Variants in POLR3E observed in about 807,000 individuals in gnomAD.
POLR3E encodes the protein RNA polymerase III subunit E, also known as DNA-directed RNA polymerase III subunit RPC5.
Under a neutral mutation model 96.6 loss-of-function variants are expected in POLR3E, and 41 were observed. The ratio of observed to expected loss-of-function variants is 0.42; its 90% CI spans 0.33 to 0.55. POLR3E has a LOEUF of 0.55. Ranked by LOEUF, POLR3E falls within the 20% of genes least tolerant of loss-of-function variation. POLR3E has a pLI of 0.06. For missense variants in POLR3E, 849 were observed against 952.1 expected, an observed-to-expected ratio of 0.89 and a Z score of 1.43; for synonymous variants, 396 against 383.6, an observed-to-expected ratio of 1.03 and a Z score of -0.38.
At chr16:22,331,574 T>C (rs1415370435) in intron 19 of POLR3E, 2 of 152,644 alleles carry the variant, frequency 1.3e-5, no homozygotes, top group Non-Finnish European at 2.9e-5. Context: ...TTTTCCATTT[T>C]TATTTTGGGG....
intron 1 of POLR3E, among the ~76,000 whole-genome samples, chr16:22,298,279 A>G (rs537624566): frequency 2.6e-5 from 4 of 152,196 alleles, no homozygotes; most frequent in African/African-American, 9.7e-5. Flanking sequence ...TTCCTACCTC[A>G]TAGGGTTGTG....
intron 17 of POLR3E, among the ~76,000 whole-genome samples, chr16:22,325,518 C>T (rs1458960266): frequency 1.3e-5 from 2 of 152,172 alleles, no homozygotes; most frequent in South Asian, 2.1e-4. Flanking sequence ...CTCACTCACC[C>T]TCTTGGGTCA....
chr16:22,315,049 A>G (rs1461620697), intron 8 of POLR3E, 40 bp from the exon 9 acceptor site: 1 of 1,607,190 alleles, frequency 6.2e-7, no homozygotes, highest in African/African-American at 1.3e-5. Flanking sequence ...AGCAAGGGTC[A>G]CAGGCCTGAC....
rs1204454993 is a variant in POLR3E at position 22,332,053 on chromosome 16, A to G, written c.1945-7A>G. 4.3e-6 allele frequency: 7 copies of G among 1,612,760 alleles called. No individual in the cohort carries two copies. Among genetic ancestry groups the G allele is most frequent in the Non-Finnish European group, 5.9e-6 (7 of 1,179,462 alleles). ...TTTCCCATCATAACGTGTTTTTGCT[A>G]CTAAAGCATCGACAGGTTTTGCTTG... On this transcript the variant is annotated splice_polypyrimidine_tract_variant and splice_region_variant and intron_variant, in intron 19 of 20. Transcript: ENST00000299853.
rs145630346 is a variant in POLR3E at position 22,308,971 on chromosome 16, G to T, written c.212G>T (p.Arg71Leu). 7 of 1,613,886 alleles carry T rather than the reference G, an allele frequency of 4.3e-6. No individual in the cohort carries two copies. In the Admixed American group the frequency reaches 8.3e-5, roughly 19 times the overall value. The change falls in exon 5 of 21, where the codon CGC becomes CTC. Residue 71 changes from arginine to leucine, a missense_variant. Arg to Leu is a moderately radical substitution (Grantham distance 102). Coordinates refer to ENST00000299853, the MANE Select transcript of POLR3E (RefSeq NM_018119.4). The stretch of plus-strand genomic sequence containing the variant: ...GACACCCTGAACCCCAACTATTGCC[G>T]CAGCAAAGGGGAGCAGATTGCGCTG... The part of the protein sequence containing the change: ...AIDTLNPNYC[R>L]SKGEQIALNV...
At chr16:22,308,822 G>A (rs2048185055) in intron 4 of POLR3E, 103 bp from the exon 5 acceptor site, 3 of 711,052 alleles carry the variant, frequency 4.2e-6, no homozygotes, top group Non-Finnish European at 7.3e-6. Context: ...CTCGCTTCCG[G>A]GCAGGGTCCT....
chr16:22,317,204 A>ATGG lies in POLR3E; in HGVS notation c.865+2_865+4dup. 6.2e-7 allele frequency: 1 copy of ATGG among 1,611,248 alleles called. No individual in the cohort carries two copies. The highest frequency in any genetic ancestry group is 8.5e-7 in the Non-Finnish European group (1 of 1,179,304). On this transcript the variant is annotated inframe_insertion and splice_region_variant, in exon 12 of 21. Coordinates refer to ENST00000299853, the MANE Select transcript of POLR3E (RefSeq NM_018119.4). ...GATCAGATCAAGATCCTGATGAAGA[A>ATGG]TGGTGGGTGCCTACCCCCTGCCCAC...
intron 12 of POLR3E, 35 bp downstream of exon 12, chr16:22,317,241 A>C (rs1404492030): frequency 6.8e-7 from 1 of 1,477,534 alleles, no homozygotes; most frequent in Admixed American, 1.7e-5. Context: ...CGGGGGCCCC[A>C]GTCCCAGTGG....
chr16:22,303,807 A>ATT (rs56737281), intron 2 of POLR3E, among the ~76,000 whole-genome samples: 40 of 110,784 alleles, frequency 3.6e-4, no homozygotes, highest in African/African-American at 1.4e-3. Context: ...CGCCCGACTA[A>ATT]TTTTTTTTTT....
At chr16:22,323,325 G>A (rs527251458) in intron 14 of POLR3E, among the ~76,000 whole-genome samples, 26 of 152,202 alleles carry the variant, frequency 1.7e-4, no homozygotes, top group African/African-American at 5.3e-4. Context: ...AGGCGCTGGC[G>A]GTCTCCAGTT....
intron 19 of POLR3E, among the ~76,000 whole-genome samples, chr16:22,329,713 C>A (rs1435992645): frequency 6.6e-6 from 1 of 152,172 alleles, no homozygotes; most frequent in Non-Finnish European, 1.5e-5. Flanking sequence ...GATTTTTAAA[C>A]ATCAAATCAG....
chr16:22,308,955 A>G lies in POLR3E; in HGVS notation c.196A>G (p.Asn66Asp). The stretch of plus-strand genomic sequence containing the variant: ...GCTTGAGATGGCCATCGACACCCTG[A>G]ACCCCAACTATTGCCGCAGCAAAGG... ...VELEMAIDTL[N>D]PNYCRSKGEQ... Residue 66 changes from asparagine (N) to aspartate (D), a missense_variant, in exon 5 of 21, where the codon AAC becomes GAC. By Grantham distance (23) the Asn-to-Asp change is conservative. Transcript: ENST00000299853. 6.2e-7 allele frequency: 1 copy of G among 1,614,006 alleles called. No individual in the cohort carries two copies. Among genetic ancestry groups the G allele is most frequent in the Non-Finnish European group, 8.5e-7 (1 of 1,179,936 alleles).
chr16:22,306,211 T>G (rs1390559772), intron 3 of POLR3E, among the ~76,000 whole-genome samples: 4 of 152,186 alleles, frequency 2.6e-5, no homozygotes, highest in Non-Finnish European at 5.9e-5. Context: ...TTTTCAGGGC[T>G]CATCCACATG....
Position 22,325,843 on chromosome 16 carries a change from G to A in POLR3E, c.1431G>A (p.Arg477=). Reference sequence around the variant, plus strand: ...AGCAGAACCACGCGTTGCTGGAGCGGGAGCTGCAGCGGCGGAAGGAGCAGC... The same window carrying A: ...AGCAGAACCACGCGTTGCTGGAGCGAGAGCTGCAGCGGCGGAAGGAGCAGC... ...KAQQNHALLE[R]ELQRRKEQLR... is the part of the protein sequence containing the mutation. The change falls in exon 18 of 21, where the codon CGG becomes CGA. Residue 477 remains arginine (R), a synonymous_variant. Transcript: ENST00000299853. The A allele has an allele frequency of 1.9e-6, 3 of 1,612,302 alleles. No individual in the cohort carries two copies. Among genetic ancestry groups the A allele is most frequent in the Non-Finnish European group, 2.5e-6 (3 of 1,179,508 alleles).
At chr16:22,320,271 AT>A (rs1252980031) in intron 13 of POLR3E, among the ~76,000 whole-genome samples, 8 of 149,000 alleles carry the variant, frequency 5.4e-5, no homozygotes, top group Admixed American at 6.7e-5. Context: ...GTGTATTTTT[AT>A]TTTTTTTTTG....
intron 17 of POLR3E, 51 bp downstream of exon 17, chr16:22,325,317 C>CG (rs765584552): frequency 3.1e-5 from 45 of 1,431,136 alleles, no homozygotes; most frequent in Non-Finnish European, 4.3e-5. Context: ...ACTGTGGCTC[C>CG]GGAAGGGCTG....
At position 22,326,216 on chromosome 16, in the gene POLR3E, A is replaced by T. The variant is rs527434936; in HGVS notation, c.1804A>T (p.Ile602Phe). ...LPPGHTLFSG[I>F]SDRMLQDTVL... is the part of the protein sequence containing the mutation. ...CCCCGGCCACACACTCTTCAGCGGC[A>T]TCTCGGACCGCATGCTACAGGACAC... is the stretch of plus-strand genomic sequence containing the variant. The change falls in exon 18 of 21, where the codon ATC becomes TTC. Residue 602 changes from isoleucine to phenylalanine, a missense_variant. Transcript: ENST00000299853. 6.2e-7 allele frequency: 1 copy of T among 1,611,626 alleles called. No homozygotes were observed. The highest frequency in any genetic ancestry group is 8.5e-7 in the Non-Finnish European group (1 of 1,179,026).
At chr16:22,301,647 C>T (rs576745638) in intron 1 of POLR3E, among the ~76,000 whole-genome samples, 5 of 149,488 alleles carry the variant, frequency 3.3e-5, no homozygotes, top group South Asian at 2.1e-4. Flanking sequence ...TGGTCTCAGC[C>T]GGGCGCAGTG....
intron 9 of POLR3E, among the ~76,000 whole-genome samples, chr16:22,315,651 T>G (rs2048339632): frequency 6.6e-6 from 1 of 152,002 alleles, no homozygotes; most frequent in Non-Finnish European, 1.5e-5. Context: ...GCTGACTTTA[T>G]TTACTTTTAT....
Sources: allele counts gnomAD v4.1 joint callset (sites outside exome capture counted in the v4.1 genomes callset), GRCh38; gene constraint gnomAD v4.1.1; transcripts MANE v1.5; gene names NCBI Gene and HGNC (gene_info 2026-07-23, HGNC 2026-07-21).